Variants in HHLA2 observed in about 807,000 individuals in gnomAD.
HHLA2 encodes the protein HHLA2 member of B7 family.
Under a neutral mutation model 45.9 loss-of-function variants are expected in HHLA2, and 48 were observed. The observed-to-expected ratio is 1.05, with a 90% CI of 0.83 to 1.33. HHLA2 has a LOEUF of 1.33. Among genes scored for constraint, HHLA2 ranks in the 40% most tolerant of loss-of-function variants. The pLI is 0.00. For synonymous variants in HHLA2, 161 were observed against 173.9 expected (o/e 0.93, Z 0.59); for missense variants, 462 against 494.3 (o/e 0.93, Z 0.62).
At chr3:108,375,902 T>C (rs1357692162) in intron 9 of HHLA2, 102 bp downstream of exon 8, 3 of 1,453,092 alleles carry the variant, frequency 2.1e-6, no homozygotes, top group South Asian at 1.3e-5. Context: ...CTTTAAAAAA[T>C]AGATATATTC....
chr3:108,310,116 C>G (rs1472513932), intron 1 of HHLA2, among the ~76,000 whole-genome samples: 1 of 152,030 alleles, frequency 6.6e-6, no homozygotes, highest in African/African-American at 2.4e-5. Context: ...TAAAAATTAG[C>G]ACTTTCTTTC....
chr3:108,348,695 A>C (rs975588890), intron 3 of HHLA2, among the ~76,000 whole-genome samples: 2 of 151,932 alleles, frequency 1.3e-5, no homozygotes, highest in Admixed American at 1.3e-4. Flanking sequence ...CATGTGCAGA[A>C]CATGCAGTTT....
intron 2 of HHLA2, among the ~76,000 whole-genome samples, chr3:108,322,628 C>T: frequency 6.6e-6 from 1 of 152,196 alleles, no homozygotes; most frequent in Non-Finnish European, 1.5e-5. Flanking sequence ...TGATAAAAAC[C>T]AAGTCTACTT....
rs1211169399 is a variant in HHLA2 at position 108,348,972 on chromosome 3, CTT to C, written c.-26-2811_-26-2810del. 3.5e-4 allele frequency among the ~76,000 whole-genome samples: 53 copies of C among 152,108 alleles called. 1 individual carries two copies. Among genetic ancestry groups the C allele is most frequent in the Admixed American group, 2.6e-3 (39 of 15,274 alleles). On this transcript the variant is annotated intron_variant, in intron 3 of 10. Coordinates refer to ENST00000619531, the Ensembl canonical transcript of HHLA2. ...TCCCTGCAAAGGACATGAACTCATC[CTT>C]TTTTATGGCCGCATAGTATTCCATG...
chr3:108,323,389 A>G (rs980051561), intron 2 of HHLA2, among the ~76,000 whole-genome samples: 1 of 152,154 alleles, frequency 6.6e-6, no homozygotes, highest in Non-Finnish European at 1.5e-5. Flanking sequence ...TACCCCATAA[A>G]TATATATACC....
intron 8 of HHLA2, among the ~76,000 whole-genome samples, chr3:108,366,567 T>A (rs1411429851): frequency 2.6e-5 from 4 of 152,214 alleles, no homozygotes; most frequent in Non-Finnish European, 4.4e-5. Flanking sequence ...AGCTCCTCTT[T>A]GTACCTCTGG....
chr3:108,371,209 T>G (rs1347292191), intron 8 of HHLA2, among the ~76,000 whole-genome samples: 30 of 152,204 alleles, frequency 2.0e-4, no homozygotes, highest in Non-Finnish European at 1.5e-5. Context: ...AACCAGAATT[T>G]CATATCCAGC....
chr3:108,358,145 C>A, exon 7 of HHLA2: 1 of 1,608,156 alleles, frequency 6.2e-7, no homozygotes, highest in South Asian at 1.1e-5. Context: ...TACTTACCAT[C>A]CACACAGTGC....
chr3:108,356,505 G>T (rs539515412), intron 6 of HHLA2, among the ~76,000 whole-genome samples: 2 of 152,220 alleles, frequency 1.3e-5, no homozygotes, highest in Non-Finnish European at 2.9e-5. Context: ...CATGAGTCCA[G>T]TGTTAAAGGC....
intron 1 of HHLA2, among the ~76,000 whole-genome samples, chr3:108,299,091 C>G (rs1184395997): frequency 1.3e-5 from 2 of 152,120 alleles, no homozygotes; most frequent in East Asian, 1.9e-4. Context: ...GTCCCATACT[C>G]TATATTCCTT....
chr3:108,376,481 T>C lies in HHLA2; in HGVS notation c.1160-12T>C. ...AGAAATTATTTTTAAGTTCTCTTTTTTTTTCCTGTAGAAAGATGTTGTGTC... is the reference window on the plus strand; with the variant it reads ...AGAAATTATTTTTAAGTTCTCTTTTCTTTTCCTGTAGAAAGATGTTGTGTC... On this transcript the variant is annotated splice_polypyrimidine_tract_variant and intron_variant, in intron 9 of 10. Coordinates refer to ENST00000619531, the Ensembl canonical transcript of HHLA2. 6.3e-7 allele frequency: 1 copy of C among 1,594,510 alleles called. No individual in the cohort carries two copies. The highest frequency in any genetic ancestry group is 1.2e-5 in the South Asian group (1 of 86,818).
At chr3:108,353,453 T>C in exon 5 of HHLA2, 1 of 1,590,028 alleles carries the variant, frequency 6.3e-7, no homozygotes. Context: ...TTTCTTCATT[T>C]ATGTTCCTAT....
chr3:108,358,517 C>T (rs2081936811), intron 7 of HHLA2, among the ~76,000 whole-genome samples: 1 of 152,146 alleles, frequency 6.6e-6, no homozygotes, highest in African/African-American at 2.4e-5. Context: ...GCTAGAGACA[C>T]ATTAGGAAGT....
intron 1 of HHLA2, among the ~76,000 whole-genome samples, chr3:108,307,422 T>C (rs577780365): frequency 6.6e-6 from 1 of 151,998 alleles, no homozygotes; most frequent in Admixed American, 6.6e-5. Context: ...GATCATGAGG[T>C]AAGGAGTTCG....
rs532488812 is a variant in HHLA2, at chr3:108,331,497, T to C, written c.-27+3150T>C. On this transcript the variant is annotated intron_variant, in intron 3 of 10. Transcript: ENST00000619531. ...TCACCCCTAAACACTTTAGTACACA[T>C]AGCCTACAAATAAAAACTACCTCAT... 3.9e-5 allele frequency among the ~76,000 whole-genome samples: 6 copies of C among 152,264 alleles called. No homozygotes were observed. The East Asian group carries it at 1.2e-3, about 29-fold the overall frequency.
At chr3:108,348,648 C>CT (rs71629350) in intron 3 of HHLA2, among the ~76,000 whole-genome samples, 7 of 149,240 alleles carry the variant, frequency 4.7e-5, no homozygotes, top group Middle Eastern at 3.5e-3. Context: ...GGACAAATTT[C>CT]TTTTTTTTTT....
intron 10 of HHLA2, chr3:108,377,010 G>A (rs1284629285): frequency 1.9e-5 from 9 of 475,430 alleles, no homozygotes; most frequent in Non-Finnish European, 3.4e-5. Flanking sequence ...ATAAGGGCCA[G>A]GAGTGTGGTA....
chr3:108,321,227 C>T (rs1021730211), intron 2 of HHLA2, among the ~76,000 whole-genome samples: 16 of 151,984 alleles, frequency 1.1e-4, no homozygotes, highest in African/African-American at 3.9e-4. Context: ...TGTCTGTTCA[C>T]CATCCTCCTA....
intron 2 of HHLA2, chr3:108,325,498 G>A (rs959484022): frequency 1.2e-5 from 4 of 347,764 alleles, no homozygotes; most frequent in Non-Finnish European, 1.7e-5. Flanking sequence ...TTGCTTCCTG[G>A]CAGTAATTAA....
Sources: allele counts gnomAD v4.1 joint callset (sites outside exome capture counted in the v4.1 genomes callset), GRCh38; gene constraint gnomAD v4.1.1; transcripts MANE v1.5; gene names NCBI Gene and HGNC (gene_info 2026-07-23, HGNC 2026-07-21).